Variants in KLF8 observed in about 807,000 individuals in gnomAD.
KLF8 encodes the protein Krueppel-like factor 8.
Under a neutral mutation model 18.2 loss-of-function variants are expected in KLF8, and 10 were observed. The observed-to-expected ratio is 0.55, with a 90% CI of 0.34 to 0.93. The LOEUF is 0.93. Ranked by LOEUF, KLF8 falls within the 40% of genes least tolerant of loss-of-function variation. KLF8 has a pLI of 0.02. For missense variants in KLF8, 264 were observed against 277.9 expected (o/e 0.95, Z 0.36); for synonymous variants, 109 against 97.3 (o/e 1.12, Z -0.71).
At chrX:56,144,756 CAAA>C in the KLF8 span, among the ~76,000 whole-genome samples, 5 of 64,558 alleles carry the variant, frequency 7.7e-5, no homozygotes, top group African/African-American at 1.0e-4. Context: ...CTGTCTCACA[CAAA>C]AAAAAAAAAA....
chrX:56,070,445 A>T, the KLF8 span, among the ~76,000 whole-genome samples: 2 of 110,042 alleles, frequency 1.8e-5, no homozygotes, highest in East Asian at 2.9e-4. Context: ...AGAGAGAGAG[A>T]GTGTGGTACA....
chrX:56,111,743 A>G, the KLF8 span, among the ~76,000 whole-genome samples: 1 of 112,183 alleles, frequency 8.9e-6, no homozygotes, highest in Non-Finnish European at 1.9e-5. Context: ...GCTCATCATC[A>G]CTCGCCATTA....
chrX:56,213,299 C>G, the KLF8 span, among the ~76,000 whole-genome samples: 102 of 30,397 alleles, frequency 3.4e-3, 1 homozygote, highest in African/African-American at 0.012. Context: ...CTTTTCTTTT[C>G]TTTTCTTTTC....
chrX:56,270,404 C>CAG (rs757353500), intron 5 of KLF8, 83 bp downstream of exon 5: 283 of 848,014 alleles, frequency 3.3e-4, no homozygotes, highest in Admixed American at 4.4e-4. Context: ...GAGAGAGGGG[C>CAG]AGAGAGAGAG....
At chrX:56,011,883 A>T in the KLF8 span, among the ~76,000 whole-genome samples, 24,115 of 110,963 alleles carry the variant, frequency 0.22, 5,436 homozygotes, top group African/African-American at 0.69. Context: ...CTGGACACAT[A>T]CACCCTCCAA....
the KLF8 span, among the ~76,000 whole-genome samples, chrX:56,032,291 T>C: frequency 2.0e-4 from 22 of 111,979 alleles, no homozygotes; most frequent in Admixed American, 1.5e-3. Flanking sequence ...TTTGTTTTAT[T>C]TGGTTTTTGT....
rs1198262866 is a variant in KLF8 at position 56,232,635 on chromosome X, T to A, written c.-700T>A. 9.0e-6 allele frequency: 1 copy of A among 111,304 alleles called. No individual in the cohort carries two copies. Among genetic ancestry groups the A allele is most frequent in the African/African-American group, 3.3e-5 (1 of 30,552 alleles). The allele number at this position is 111,304 out of a possible 1,213,427, so 9.2% of individuals were successfully genotyped here. On this transcript the variant is annotated 5_prime_UTR_variant, in exon 1 of 6. Coordinates refer to ENST00000468660, the MANE Select transcript of KLF8 (RefSeq NM_007250.5). Reference sequence around the variant, plus strand: ...TGAAGCCCCTGCCCTGGGGCTGGTGTTCTTCTCTATGATTCTACCAATCGT... The same window carrying A: ...TGAAGCCCCTGCCCTGGGGCTGGTGATCTTCTCTATGATTCTACCAATCGT...
At chrX:56,171,542 G>T in the KLF8 span, among the ~76,000 whole-genome samples, 4 of 110,292 alleles carry the variant, frequency 3.6e-5, no homozygotes, top group African/African-American at 1.3e-4. Context: ...CCCACAACAG[G>T]CCCCGGTGTG....
the KLF8 span, among the ~76,000 whole-genome samples, chrX:55,964,057 A>G: frequency 8.9e-6 from 1 of 111,887 alleles, no homozygotes; most frequent in Non-Finnish European, 1.9e-5. Flanking sequence ...GAAATCAAGA[A>G]ATTATTTGAA....
the KLF8 span, among the ~76,000 whole-genome samples, chrX:55,954,355 A>C: frequency 2.7e-5 from 3 of 111,827 alleles, no homozygotes; most frequent in African/African-American, 9.7e-5. Context: ...CTGTATATTA[A>C]AATGATATAC....
At chrX:56,196,092 G>A in the KLF8 span, among the ~76,000 whole-genome samples, 1 of 111,690 alleles carries the variant, frequency 9.0e-6, no homozygotes, top group African/African-American at 3.3e-5. Flanking sequence ...CATGAAACAT[G>A]GAAAGAAACA....
the KLF8 span, among the ~76,000 whole-genome samples, chrX:55,945,161 T>A: frequency 3.6e-5 from 4 of 111,331 alleles, no homozygotes; most frequent in Non-Finnish European, 7.5e-5. Flanking sequence ...TTCTTAATCC[T>A]GAGTTCTGGT....
the KLF8 span, among the ~76,000 whole-genome samples, chrX:56,064,431 G>A: frequency 2.8e-5 from 3 of 108,721 alleles, no homozygotes; most frequent in African/African-American, 1.0e-4. Flanking sequence ...AGTTTCTTGT[G>A]AGCAGCATAT....
chrX:56,158,467 A>G, the KLF8 span, among the ~76,000 whole-genome samples: 2 of 111,960 alleles, frequency 1.8e-5, no homozygotes, highest in Non-Finnish European at 3.8e-5. Context: ...TTGAATCTAT[A>G]AATTCCCTTG....
chrX:55,938,430 G>T, the KLF8 span, among the ~76,000 whole-genome samples: 1 of 111,708 alleles, frequency 9.0e-6, no homozygotes, highest in Non-Finnish European at 1.9e-5. Context: ...ATGCCAAATT[G>T]TAAAGACCAT....
At chrX:56,217,709 G>A in the KLF8 span, among the ~76,000 whole-genome samples, 2 of 111,742 alleles carry the variant, frequency 1.8e-5, no homozygotes, top group Non-Finnish European at 3.8e-5. Context: ...GTGAGCCACC[G>A]CACCCGGCTG....
the KLF8 span, among the ~76,000 whole-genome samples, chrX:56,193,200 C>A: frequency 8.9e-6 from 1 of 112,390 alleles, no homozygotes; most frequent in African/African-American, 3.2e-5. Context: ...ATACAAGTGG[C>A]AAACAAGCTT....
intron 2 of KLF8, among the ~76,000 whole-genome samples, chrX:56,259,868 G>C (rs2066861040): frequency 9.0e-6 from 1 of 111,546 alleles, no homozygotes; most frequent in South Asian, 3.8e-4. Context: ...TTGATGTGAA[G>C]TATTACTTTC....
chrX:55,947,543 C>T, the KLF8 span, among the ~76,000 whole-genome samples: 8 of 108,301 alleles, frequency 7.4e-5, no homozygotes, highest in Middle Eastern at 4.3e-3. Flanking sequence ...TGCTAAATGA[C>T]GAGTTAATGG....
Sources: gnomAD v4.1 joint callset for allele counts (sites outside exome capture counted in the v4.1 genomes callset) on GRCh38, gnomAD v4.1.1 for gene constraint, MANE v1.5 for transcripts, NCBI Gene and HGNC (gene_info 2026-07-23, HGNC 2026-07-21) for gene names.